ITGA9: variants seen among roughly 807,000 people sequenced by gnomAD.
ITGA9 encodes integrin alpha-9.
Under a neutral mutation model 127.8 loss-of-function variants are expected in ITGA9, and 56 were observed. That is an observed-to-expected ratio of 0.44 (90% CI 0.35 to 0.55). The LOEUF is 0.55. Among genes scored for constraint, ITGA9 ranks in the 20% least tolerant of loss-of-function variants. The pLI is 0.00. For synonymous variants in ITGA9, 508 were observed against 514.5 expected (o/e 0.99, Z 0.17); for missense variants, 1,196 against 1,347.1 (o/e 0.89, Z 1.76).
Position 37,629,258 on chromosome 3 carries a change from A to AGAG in ITGA9, c.1768_1770dup (p.Glu590dup). ...ACAGCCTCAGTGAGCATGTGACTGG[A>AGAG]GAGGAGGAGAGGGAACTGCCGCCTC... On this transcript the variant is annotated inframe_insertion, in exon 16 of 28. Coordinates refer to ENST00000264741, the MANE Select transcript of ITGA9 (RefSeq NM_002207.3). The surrounding 1 kb of genome is among the most constrained non-coding windows in gnomAD (Gnocchi z 4.5). The AGAG allele has an allele frequency of 6.2e-7, 1 of 1,613,952 alleles. No homozygotes were observed. Among genetic ancestry groups the AGAG allele is most frequent in the Non-Finnish European group, 8.5e-7 (1 of 1,179,994 alleles).
At chr3:37,504,044 C>G (rs1372402449) in intron 6 of ITGA9, among the ~76,000 whole-genome samples, 3 of 152,208 alleles carry the variant, frequency 2.0e-5, no homozygotes, top group Non-Finnish European at 4.4e-5. Flanking sequence ...ACATAACTTA[C>G]AGGGAAAGGC....
intron 17 of ITGA9, among the ~76,000 whole-genome samples, chr3:37,671,206 A>G (rs1432690270): frequency 6.6e-6 from 1 of 152,218 alleles, no homozygotes; most frequent in Non-Finnish European, 1.5e-5. Context: ...TTTGTTCCAG[A>G]TGTCCTAAGA....
Position 37,701,961 on chromosome 3 carries a change from C to A in ITGA9, c.2067+17946C>A, listed in dbSNP as rs972348060. 2.0e-5 allele frequency among the ~76,000 whole-genome samples: 3 copies of A among 152,162 alleles called. No homozygotes were observed. In the South Asian group the frequency reaches 6.2e-4, roughly 32 times the overall value. On this transcript the variant is annotated intron_variant, in intron 18 of 27. Transcript: ENST00000264741. ...TGAGGACATAACGAGGTCATCTCTG[C>A]TTTCAGGGAGCTCTCAGAGTCTCAG...
Position 37,721,741 on chromosome 3 carries a change from C to T in ITGA9, c.2068-10971C>T, listed in dbSNP as rs180850832. 1.7e-4 allele frequency among the ~76,000 whole-genome samples: 26 copies of T among 152,240 alleles called. No individual in the cohort carries two copies. In the East Asian group the frequency reaches 3.1e-3, roughly 18 times the overall value. On this transcript the variant is annotated intron_variant, in intron 18 of 27. Transcript: ENST00000264741. ...GCCCATTGTCTGCATTTGGCATCTG[C>T]GCTGGAGTCACTGTGTGCTCCAGTT...
chr3:37,573,675 G>A lies in ITGA9; in HGVS notation c.1689+31090G>A, dbSNP rs559856796. On this transcript the variant is annotated intron_variant, in intron 15 of 27. Coordinates refer to ENST00000264741, the MANE Select transcript of ITGA9 (RefSeq NM_002207.3). ...CCTAGTGAGATTTCCGAGAGAGTGC[G>A]GTTGTCTGGCACTTCTGTGATCTGG... 5.3e-5 allele frequency among the ~76,000 whole-genome samples: 8 copies of A among 152,258 alleles called. No individual in the cohort carries two copies. The South Asian group carries it at 6.2e-4, about 12-fold the overall frequency.
At chr3:37,666,639 A>G (rs1479043037) in intron 17 of ITGA9, among the ~76,000 whole-genome samples, 1 of 152,338 alleles carries the variant, frequency 6.6e-6, no homozygotes, top group East Asian at 1.9e-4. Flanking sequence ...GCAGCAGTGC[A>G]CTAGACCTCA....
intron 15 of ITGA9, among the ~76,000 whole-genome samples, chr3:37,544,928 G>A (rs1396667620): frequency 6.6e-6 from 1 of 152,236 alleles, no homozygotes; most frequent in Non-Finnish European, 1.5e-5. Flanking sequence ...GTTACTGTCT[G>A]GGCTGTAGCA....
At chr3:37,653,287 C>T (rs1300228089) in intron 16 of ITGA9, among the ~76,000 whole-genome samples, 1 of 152,174 alleles carries the variant, frequency 6.6e-6, no homozygotes, top group Non-Finnish European at 1.5e-5. Context: ...TATAAATTTC[C>T]TGCATCCCCA....
intron 17 of ITGA9, among the ~76,000 whole-genome samples, chr3:37,657,008 T>C (rs761894634): frequency 1.4e-4 from 22 of 152,336 alleles, no homozygotes; most frequent in Admixed American, 2.6e-4. Flanking sequence ...GATTTGCATA[T>C]GTTGAACCAG....
At chr3:37,616,305 TTTGA>T (rs1321085691) in intron 15 of ITGA9, among the ~76,000 whole-genome samples, 1 of 152,226 alleles carries the variant, frequency 6.6e-6, no homozygotes, top group Admixed American at 6.5e-5. Context: ...TGAGTTCTAG[TTTGA>T]TTGCACTGTG....
At chr3:37,617,798 T>C (rs1700089697) in intron 15 of ITGA9, among the ~76,000 whole-genome samples, 2 of 152,252 alleles carry the variant, frequency 1.3e-5, no homozygotes, top group Admixed American at 1.3e-4. Flanking sequence ...TCTCGTGCCA[T>C]GGTTTTCAGC....
intron 15 of ITGA9, among the ~76,000 whole-genome samples, chr3:37,610,844 G>A (rs1227105008): frequency 1.3e-5 from 2 of 152,196 alleles, no homozygotes; most frequent in South Asian, 2.1e-4. Flanking sequence ...CCCAAATGCT[G>A]TAGGTAAGAG....
intron 2 of ITGA9, 68 bp downstream of exon 2, chr3:37,471,202 A>T: frequency 6.3e-7 from 1 of 1,576,034 alleles, no homozygotes; most frequent in Non-Finnish European, 8.7e-7. Flanking sequence ...TCTTCTTCCC[A>T]GGATGGCCTG....
intron 16 of ITGA9, among the ~76,000 whole-genome samples, chr3:37,649,695 A>G (rs140729204): frequency 6.6e-6 from 1 of 152,352 alleles, no homozygotes; most frequent in East Asian, 1.9e-4. Flanking sequence ...GACTTGAACA[A>G]CTGGACCTGT....
At chr3:37,635,669 G>A (rs1700270563) in intron 16 of ITGA9, among the ~76,000 whole-genome samples, 1 of 150,794 alleles carries the variant, frequency 6.6e-6, no homozygotes, top group Admixed American at 6.6e-5. Context: ...TAGGGTACAT[G>A]TGCACAACGT....
chr3:37,507,430 T>C (rs553274), intron 7 of ITGA9, among the ~76,000 whole-genome samples: 58,217 of 151,674 alleles, frequency 0.38, 13,102 homozygotes, highest in East Asian at 0.72. Flanking sequence ...GAAAACATGA[T>C]CCAGTTTTAT....
At chr3:37,512,264 G>A (rs1261596655) in intron 8 of ITGA9, among the ~76,000 whole-genome samples, 1 of 147,260 alleles carries the variant, frequency 6.8e-6, no homozygotes, top group Non-Finnish European at 1.5e-5. Flanking sequence ...CTGTTGCCCA[G>A]GCTAGAGTGC....
At chr3:37,658,421 C>A (rs190915140) in intron 17 of ITGA9, among the ~76,000 whole-genome samples, 1 of 152,228 alleles carries the variant, frequency 6.6e-6, no homozygotes, top group Admixed American at 6.5e-5. Context: ...GTTGCATGAT[C>A]CCTTCACCAT....
chr3:37,465,621 A>G (rs1698362003), intron 1 of ITGA9, among the ~76,000 whole-genome samples: 1 of 152,224 alleles, frequency 6.6e-6, no homozygotes, highest in African/African-American at 2.4e-5. Context: ...AAGAGAGGCA[A>G]ACCTCTGGTT....
Sources: allele counts gnomAD v4.1 joint callset (sites outside exome capture counted in the v4.1 genomes callset), GRCh38; gene constraint gnomAD v4.1.1; non-coding constraint Gnocchi (gnomAD v3.1); transcripts MANE v1.5; gene names NCBI Gene and HGNC (gene_info 2026-07-23, HGNC 2026-07-21).